ADAMTS20: variants seen among roughly 807,000 people sequenced by gnomAD.
The protein encoded by ADAMTS20 is A disintegrin and metalloproteinase with thrombospondin motifs 20.
ADAMTS20 carries 225 observed loss-of-function variants against 260.1 expected under a neutral mutation model. That is an observed-to-expected ratio of 0.87 (90% CI 0.78 to 0.97). The LOEUF (loss-of-function observed/expected upper bound fraction) is 0.97, where lower values mean the gene tolerates loss of function less well. ADAMTS20 is among the 50% of genes least tolerant of loss of function. The pLI is 0.00. For missense variants in ADAMTS20, 2,400 were observed against 2,337.7 expected, an observed-to-expected ratio of 1.03 and a Z score of -0.55; for synonymous variants, 802 against 769.5, an observed-to-expected ratio of 1.04 and a Z score of -0.70.
At chr12:43,548,076 A>G (rs1268447918) in intron 2 of ADAMTS20, among the ~76,000 whole-genome samples, 6 of 152,224 alleles carry the variant, frequency 3.9e-5, no homozygotes, top group Admixed American at 2.6e-4. Flanking sequence ...TATATGAAAC[A>G]ACACTCATTA....
At position 43,460,598 on chromosome 12, in the gene ADAMTS20, C is replaced by G. The variant is rs192751574; in HGVS notation, c.1614+2297G>C. On this transcript the variant is annotated intron_variant, in intron 11 of 38. Transcript: ENST00000389420. ...CAGCAATTCTACACCAAGAGAAACACAAACGTATGTCTACAAGAAGACTTG... is the reference window on the plus strand; with the variant it reads ...CAGCAATTCTACACCAAGAGAAACAGAAACGTATGTCTACAAGAAGACTTG... Among the ~76,000 whole-genome samples, 596 of 152,196 alleles carry G rather than the reference C, an allele frequency of 3.9e-3. 11 individuals carry two copies. Among genetic ancestry groups the G allele is most frequent in the African/African-American group, 0.014 (571 of 41,540 alleles).
rs1307752336 is a variant in ADAMTS20 at position 43,432,613 on chromosome 12, T to C, written c.2919A>G (p.Ser973=). 9 of 1,613,790 alleles carry C rather than the reference T, an allele frequency of 5.6e-6. No individual in the cohort carries two copies. The highest frequency in any genetic ancestry group is 7.6e-6 in the Non-Finnish European group (9 of 1,179,832). Reference sequence around the variant, plus strand: ...ATTTTTATTGTACCTGAGACCATTCTGAATAATGCCATCTTGTGAAGACAC... The same window carrying C: ...ATTTTTATTGTACCTGAGACCATTCCGAATAATGCCATCTTGTGAAGACAC... The part of the protein sequence containing the change: ...GNCVFTRWHY[S]EWSQCSRSCG... Residue 973 remains serine, a synonymous_variant, in exon 20 of 39, where the codon TCA becomes TCG. Coordinates refer to ENST00000389420, the MANE Select transcript of ADAMTS20 (RefSeq NM_025003.5).
intron 29 of ADAMTS20, among the ~76,000 whole-genome samples, chr12:43,389,746 C>T (rs1038857464): frequency 6.6e-6 from 1 of 152,078 alleles, no homozygotes; most frequent in Admixed American, 6.5e-5. Context: ...CAAGGATGGA[C>T]TTTCCTCCAC....
intron 31 of ADAMTS20, 27 bp from the exon 32 acceptor site, chr12:43,377,589 A>C (rs774256915): frequency 6.3e-7 from 1 of 1,581,162 alleles, no homozygotes; most frequent in Admixed American, 1.7e-5. Context: ...TACAAGAAAG[A>C]AAATGTCATT....
chr12:43,376,429 T>C, intron 33 of ADAMTS20, 95 bp downstream of exon 33: 1 of 1,460,822 alleles, frequency 6.8e-7, no homozygotes, highest in South Asian at 1.3e-5. Flanking sequence ...ATCTGACACT[T>C]TGTTTTGTGG....
At position 43,432,402 on chromosome 12, in the gene ADAMTS20, G is replaced by A. The variant is rs369101503; in HGVS notation, c.2998C>T (p.Arg1000Cys). Reference protein sequence around the residue: ...ESYCMNNFGHRLADNECQELS... With the variant: ...ESYCMNNFGHCLADNECQELS... ...TCTTGGCATTCATTGTCAGCAAGAC[G>A]ATGGCCAAAGTTATTCATACAATAA... Residue 1000 changes from arginine to cysteine, a missense_variant, in exon 21 of 39, where the codon CGT becomes TGT. By Grantham distance (180) the Arg-to-Cys change is radical. Transcript: ENST00000389420. 13 of 1,613,332 alleles carry A rather than the reference G, an allele frequency of 8.1e-6. No individual in the cohort carries two copies. The East Asian group carries it at 8.9e-5, about 11-fold the overall frequency.
chr12:43,493,087 C>A (rs1281005595), intron 5 of ADAMTS20, 83 bp downstream of exon 5: 1 of 910,812 alleles, frequency 1.1e-6, no homozygotes, highest in Non-Finnish European at 1.7e-6. Flanking sequence ...TATCTCATTT[C>A]TAATAAGAGT....
chr12:43,470,559 G>C lies in ADAMTS20; in HGVS notation c.1118-1854C>G, dbSNP rs973288848. Among the ~76,000 whole-genome samples, 9 of 152,272 alleles carry C rather than the reference G, an allele frequency of 5.9e-5. No homozygotes were observed. The South Asian group carries it at 1.0e-3, about 18-fold the overall frequency. Reference sequence around the variant, plus strand: ...CTAGACTCATTCAAGCTAATTCTGGGTTCTCTAAAAGTTTAAAGATAGAAT... The same window carrying C: ...CTAGACTCATTCAAGCTAATTCTGGCTTCTCTAAAAGTTTAAAGATAGAAT... On this transcript the variant is annotated intron_variant, in intron 7 of 38. Coordinates refer to ENST00000389420, the MANE Select transcript of ADAMTS20 (RefSeq NM_025003.5).
chr12:43,390,136 C>T (rs1348915207), intron 29 of ADAMTS20, among the ~76,000 whole-genome samples: 1 of 152,176 alleles, frequency 6.6e-6, no homozygotes, highest in Non-Finnish European at 1.5e-5. Context: ...CATTGCAGCC[C>T]TGTTCTGTCC....
intron 28 of ADAMTS20, among the ~76,000 whole-genome samples, chr12:43,400,339 C>T (rs1179405560): frequency 1.3e-5 from 2 of 151,932 alleles, no homozygotes; most frequent in African/African-American, 4.8e-5. Context: ...GAATATTAGA[C>T]TATATGGCCT....
At chr12:43,524,003 T>C (rs1220312240) in intron 3 of ADAMTS20, among the ~76,000 whole-genome samples, 1 of 151,694 alleles carries the variant, frequency 6.6e-6, no homozygotes, top group Non-Finnish European at 1.5e-5. Context: ...CCACTGCTAC[T>C]GTAGCTGGTG....
At chr12:43,393,648 T>C (rs985177245) in intron 29 of ADAMTS20, among the ~76,000 whole-genome samples, 3 of 152,100 alleles carry the variant, frequency 2.0e-5, no homozygotes, top group Non-Finnish European at 2.9e-5. Context: ...AAGCCTTGTT[T>C]ATAATTTTTT....
At chr12:43,512,625 A>G (rs1050186299) in intron 3 of ADAMTS20, among the ~76,000 whole-genome samples, 1 of 152,096 alleles carries the variant, frequency 6.6e-6, no homozygotes, top group African/African-American at 2.4e-5. Context: ...TTGGGGCCCC[A>G]ACTACTAATA....
intron 14 of ADAMTS20, among the ~76,000 whole-genome samples, chr12:43,447,606 C>T (rs983059849): frequency 2.6e-5 from 4 of 152,046 alleles, no homozygotes; most frequent in African/African-American, 4.8e-5. Flanking sequence ...CCTCTCACCA[C>T]TCCTATTTAA....
At chr12:43,518,767 C>G (rs545925826) in intron 3 of ADAMTS20, among the ~76,000 whole-genome samples, 2 of 149,514 alleles carry the variant, frequency 1.3e-5, no homozygotes, top group Non-Finnish European at 3.0e-5. Context: ...GTATTTCCCA[C>G]AGACTTCCTC....
intron 16 of ADAMTS20, among the ~76,000 whole-genome samples, chr12:43,442,259 CTTT>C (rs201877057): frequency 2.9e-5 from 4 of 139,338 alleles, no homozygotes; most frequent in African/African-American, 2.6e-5. Flanking sequence ...GTGAACATTT[CTTT>C]TTTTTTTTTT....
At chr12:43,450,357 T>G (rs1208501334) in intron 14 of ADAMTS20, among the ~76,000 whole-genome samples, 1 of 152,146 alleles carries the variant, frequency 6.6e-6, no homozygotes, top group Non-Finnish European at 1.5e-5. Context: ...TTAAGCCTAG[T>G]GAATTTTTTT....
At chr12:43,486,774 G>A (rs1004767821) in intron 7 of ADAMTS20, among the ~76,000 whole-genome samples, 1 of 152,068 alleles carries the variant, frequency 6.6e-6, no homozygotes, top group Non-Finnish European at 1.5e-5. Flanking sequence ...GACATGAACA[G>A]ACATTTCTCA....
intron 36 of ADAMTS20, among the ~76,000 whole-genome samples, chr12:43,374,294 C>T (rs1940173827): frequency 6.6e-6 from 1 of 151,962 alleles, no homozygotes; most frequent in Admixed American, 6.6e-5. Context: ...TATATTCATG[C>T]ATATACTGTC....
Sources: allele counts gnomAD v4.1 joint callset (sites outside exome capture counted in the v4.1 genomes callset), GRCh38; gene constraint gnomAD v4.1.1; transcripts MANE v1.5; gene names NCBI Gene and HGNC (gene_info 2026-07-23, HGNC 2026-07-21).